DHX9: variants seen among roughly 807,000 people sequenced by gnomAD.
DHX9 encodes ATP-dependent RNA helicase A.
DHX9 carries 27 observed loss-of-function variants against 148.7 expected under a neutral mutation model. The ratio of observed to expected loss-of-function variants is 0.18; its 90% CI spans 0.13 to 0.25. DHX9 has a LOEUF of 0.25. Among genes scored for constraint, DHX9 ranks in the 10% least tolerant of loss-of-function variants. The probability of loss-of-function intolerance (pLI) is 1.00; values close to 1 mark genes in which losing one functional copy is unlikely to be tolerated. For synonymous variants in DHX9, 529 were observed against 516.6 expected (o/e 1.02, Z -0.33); for missense variants, 796 against 1,559.6 (o/e 0.51, Z 8.25).
chr1:182,883,975 C>T (rs180692362), intron 26 of DHX9, among the ~76,000 whole-genome samples: 1 of 152,232 alleles, frequency 6.6e-6, no homozygotes. Flanking sequence ...TCTTGAAAAC[C>T]TAGAAAATGC....
chr1:182,860,353 A>G (rs929975817), intron 12 of DHX9, 169 bp downstream of exon 12: 2 of 522,972 alleles, frequency 3.8e-6, no homozygotes, highest in East Asian at 3.5e-5. Context: ...AATCTCTAGT[A>G]TGCTACACTA....
intron 5 of DHX9, 48 bp from the exon 6 acceptor site, chr1:182,853,982 T>A (rs753523057): frequency 1.3e-6 from 2 of 1,571,190 alleles, no homozygotes; most frequent in South Asian, 2.3e-5. Flanking sequence ...GCCTTGTTTG[T>A]ATACCTAAAC....
intron 3 of DHX9, among the ~76,000 whole-genome samples, chr1:182,844,018 G>T (rs573839604): frequency 2.0e-5 from 3 of 152,126 alleles, no homozygotes; most frequent in African/African-American, 4.8e-5. Flanking sequence ...GAGTGATCTC[G>T]GCTCACTGCA....
Position 182,858,778 on chromosome 1 carries a change from G to A in DHX9, c.946G>A (p.Ala316Thr). The A allele has an allele frequency of 6.2e-7, 1 of 1,614,078 alleles. No individual in the cohort carries two copies. Among genetic ancestry groups the A allele is most frequent in the Non-Finnish European group, 8.5e-7 (1 of 1,180,012 alleles). Residue 316 changes from alanine to threonine, a missense_variant, in exon 10 of 28, where the codon GCT becomes ACT. Around this residue, in one of 14 missense-constraint regions of DHX9, gnomAD observed 63 missense variants for 78.6 expected, o/e 0.80. Transcript: ENST00000367549. ...AGTTGCACTCAACATTGGCAAATTG[G>A]CTCAGTTCGAACCATCTCAGCGACA... ...VPVALNIGKL[A>T]QFEPSQRQNQ...
chr1:182,880,157 A>AT (rs1293985833), intron 21 of DHX9, among the ~76,000 whole-genome samples: 4 of 152,028 alleles, frequency 2.6e-5, no homozygotes, highest in Admixed American at 6.6e-5. Flanking sequence ...TCTAGATTTT[A>AT]TTTTTTTTAA....
chr1:182,847,075 CTGG>C (rs1205449635), intron 3 of DHX9, among the ~76,000 whole-genome samples: 5 of 152,152 alleles, frequency 3.3e-5, no homozygotes, highest in Non-Finnish European at 7.4e-5. Flanking sequence ...TATGTTTTCT[CTGG>C]TGGCATTTCT....
rs61807500 is a variant in DHX9, at chr1:182,849,201, A to T, written c.253-3032A>T. ...TTTGCCAAAAGTGAGCATGTAGAGGATATTTTAAAATTTTTTTTGCTGTGG... is the reference window on the plus strand; with the variant it reads ...TTTGCCAAAAGTGAGCATGTAGAGGTTATTTTAAAATTTTTTTTGCTGTGG... On this transcript the variant is annotated intron_variant, in intron 3 of 27. Coordinates refer to ENST00000367549, the MANE Select transcript of DHX9 (RefSeq NM_001357.5). Among the ~76,000 whole-genome samples the T allele has an allele frequency of 1.4e-3, 211 of 150,960 alleles. 1 individual carries two copies. Among genetic ancestry groups the T allele is most frequent in the Non-Finnish European group, 2.4e-3 (162 of 68,006 alleles).
At chr1:182,854,240 T>C (rs1039719661) in intron 6 of DHX9, 62 bp downstream of exon 6, 11 of 1,442,228 alleles carry the variant, frequency 7.6e-6, no homozygotes, top group East Asian at 2.3e-5. Context: ...TATTCACTGT[T>C]GAATATAATC....
Position 182,849,613 on chromosome 1 carries a change from A to C in DHX9, c.253-2620A>C, listed in dbSNP as rs571759334. On this transcript the variant is annotated intron_variant, in intron 3 of 27. Coordinates refer to ENST00000367549, the MANE Select transcript of DHX9 (RefSeq NM_001357.5). ...TTCAGAACAGCTTTCTGCAACAAATAATTACCTGGTTGAAATGTCAGTGGT... is the reference window on the plus strand; with the variant it reads ...TTCAGAACAGCTTTCTGCAACAAATCATTACCTGGTTGAAATGTCAGTGGT... Among the ~76,000 whole-genome samples, 7 of 152,310 alleles carry C rather than the reference A, an allele frequency of 4.6e-5. No individual in the cohort carries two copies. In the South Asian group the frequency reaches 1.5e-3, roughly 32 times the overall value.
chr1:182,858,320 T>C (rs558715238), intron 8 of DHX9, 80 bp downstream of exon 8: 2 of 1,500,316 alleles, frequency 1.3e-6, no homozygotes, highest in South Asian at 2.5e-5. Context: ...CTGAAGAAGT[T>C]TAATTTTAAG....
In DHX9 at chr1:182,843,448, GCGAAGCAC is replaced by G; in HGVS notation, c.252+15_252+22del. On this transcript the variant is annotated intron_variant, in intron 3 of 27. Coordinates refer to ENST00000367549, the MANE Select transcript of DHX9 (RefSeq NM_001357.5). The stretch of plus-strand genomic sequence containing the variant: ...CCAGCTTTTGGGGTAAGTACCTATG[GCGAAGCAC>G]TTGAGATGTATGTTGTAAAGTTGTA... The G allele has an allele frequency of 6.3e-7, 1 of 1,575,182 alleles. No individual in the cohort carries two copies. Among genetic ancestry groups the G allele is most frequent in the Non-Finnish European group, 8.6e-7 (1 of 1,164,200 alleles).
chr1:182,866,161 C>G (rs912904128), intron 12 of DHX9, among the ~76,000 whole-genome samples: 1 of 152,120 alleles, frequency 6.6e-6, no homozygotes, highest in Non-Finnish European at 1.5e-5. Flanking sequence ...AAAAACAAAC[C>G]CCCCTACGTA....
chr1:182,856,463 C>A, intron 6 of DHX9, 69 bp from the exon 7 acceptor site: 2 of 1,409,884 alleles, frequency 1.4e-6, no homozygotes, highest in Non-Finnish European at 2.0e-6. Context: ...GCCTGCCTGA[C>A]TTGGGAGACC....
intron 2 of DHX9, 119 bp from the exon 3 acceptor site, chr1:182,843,175 T>A (rs753449978): frequency 1.7e-4 from 102 of 588,758 alleles, no homozygotes; most frequent in Middle Eastern, 5.0e-4. Context: ...TTTATATTTA[T>A]AGAGTATATT....
At chr1:182,871,660 T>C (rs1323633745) in intron 14 of DHX9, among the ~76,000 whole-genome samples, 4 of 152,222 alleles carry the variant, frequency 2.6e-5, no homozygotes, top group African/African-American at 7.2e-5. Context: ...TTAACTGATA[T>C]ATTCATACAC....
At chr1:182,887,004 AC>A (rs1649360609) in intron 27 of DHX9, 78 bp from the exon 28 acceptor site, 1 of 1,305,944 alleles carries the variant, frequency 7.7e-7, no homozygotes, top group African/African-American at 1.5e-5. Context: ...TTCAAATATA[AC>A]TAAATGTGTA....
At chr1:182,858,291 G>A (rs201120027) in intron 8 of DHX9, 51 bp downstream of exon 8, 502 of 1,581,906 alleles carry the variant, frequency 3.2e-4, no homozygotes, top group Non-Finnish European at 3.6e-4. Context: ...ATTCAATTTA[G>A]CTCTTGTTTA....
intron 27 of DHX9, among the ~76,000 whole-genome samples, chr1:182,886,180 TTTAAA>T (rs1402004687): frequency 1.2e-4 from 18 of 144,254 alleles, no homozygotes; most frequent in African/African-American, 3.4e-4. Context: ...TTTATTTTTT[TTTAAA>T]TTTATTTATT....
intron 7 of DHX9, 63 bp downstream of exon 7, chr1:182,856,641 A>T: frequency 6.9e-7 from 1 of 1,449,228 alleles, no homozygotes; most frequent in Non-Finnish European, 9.7e-7. Context: ...TTCACATTTT[A>T]AGTCTTGAGT....
Sources: allele counts gnomAD v4.1 joint callset (sites outside exome capture counted in the v4.1 genomes callset), GRCh38; gene constraint gnomAD v4.1.1; regional missense constraint gnomAD v4.1.1; transcripts MANE v1.5; gene names NCBI Gene and HGNC (gene_info 2026-07-23, HGNC 2026-07-21).